Variants in AP3D1 observed in about 807,000 individuals in gnomAD.
AP3D1 encodes adaptor related protein complex 3 subunit delta 1.
A neutral mutation model predicts 147.6 loss-of-function variants in AP3D1; 51 were observed. The observed-to-expected ratio is 0.35, with a 90% CI of 0.28 to 0.44. The LOEUF (loss-of-function observed/expected upper bound fraction) is 0.44, where lower values mean the gene tolerates loss of function less well. AP3D1 is among the 20% of genes least tolerant of loss of function. AP3D1 has a pLI of 1.00. For synonymous variants in AP3D1, 760 were observed against 663.0 expected (o/e 1.15, Z -2.25); for missense variants, 1,421 against 1,624.2 (o/e 0.87, Z 2.15).
chr19:2,119,117 G>A (rs1345690300), intron 14 of AP3D1, among the ~76,000 whole-genome samples: 2 of 152,214 alleles, frequency 1.3e-5, no homozygotes, highest in African/African-American at 4.8e-5. Context: ...GCTGGCCCTG[G>A]GAGGATAAGC....
At chr19:2,162,271 C>T (rs2019717402) in intron 1 of AP3D1, among the ~76,000 whole-genome samples, 1 of 149,678 alleles carries the variant, frequency 6.7e-6, no homozygotes, top group African/African-American at 2.4e-5. Context: ...CTCCTGACCT[C>T]GTGATCCACC....
chr19:2,147,414 T>G (rs568886876), intron 1 of AP3D1, among the ~76,000 whole-genome samples: 76 of 126,952 alleles, frequency 6.0e-4, no homozygotes, highest in South Asian at 9.6e-4. Flanking sequence ...ATCTTTTCCT[T>G]TCTTTTTTTT....
intron 1 of AP3D1, among the ~76,000 whole-genome samples, chr19:2,138,924 G>A (rs1599486080): frequency 6.6e-6 from 1 of 151,876 alleles, no homozygotes; most frequent in African/African-American, 2.4e-5. Context: ...GCTGGGCGTG[G>A]TGGCGGGCGC....
chr19:2,102,614 G>A (rs938578235), intron 31 of AP3D1, among the ~76,000 whole-genome samples: 7 of 151,990 alleles, frequency 4.6e-5, no homozygotes, highest in African/African-American at 1.2e-4. Flanking sequence ...TGTAGTCCCA[G>A]CTACATGGGA....
chr19:2,129,216 GAGGGACAGGGGGGGCCTCGGTCACCCGC>G, intron 7 of AP3D1, 53 bp from the exon 8 acceptor site: 1 of 1,609,026 alleles, frequency 6.2e-7, no homozygotes, highest in South Asian at 1.1e-5. Context: ...CACGCAGGGT[GAGGGACAGGGGGGGCCTCGGTCACCCGC>G]AGGGAATGCC....
intron 26 of AP3D1, 169 bp downstream of exon 26, chr19:2,111,116 C>A (rs749629691): frequency 3.2e-5 from 31 of 981,212 alleles, no homozygotes; most frequent in Non-Finnish European, 4.5e-5. Flanking sequence ...GGCATGTCTC[C>A]AACCTTACCC....
chr19:2,116,466 C>T (rs2018452150), intron 17 of AP3D1, 139 bp downstream of exon 17: 28 of 1,283,914 alleles, frequency 2.2e-5, no homozygotes, highest in Non-Finnish European at 2.8e-5. Context: ...GAATCGCTAA[C>T]GCTCTGGGAG....
chr19:2,138,275 G>A (rs2019129436), intron 2 of AP3D1, among the ~76,000 whole-genome samples: 1 of 152,208 alleles, frequency 6.6e-6, no homozygotes, highest in Non-Finnish European at 1.5e-5. Context: ...AAGGTCCAGG[G>A]CCCTAGCTCT....
At chr19:2,138,354 G>A (rs930470986) in intron 2 of AP3D1, among the ~76,000 whole-genome samples, 8 of 152,242 alleles carry the variant, frequency 5.3e-5, no homozygotes, top group African/African-American at 1.9e-4. Context: ...GGCGTCCCCA[G>A]TGAATCCCAC....
In AP3D1 at chr19:2,164,223, G is replaced by C. The variant is rs752071771; in HGVS notation, c.-103+133C>G. ...TGGAGCTGAGACTGAAGTCGCCCGT[G>C]GGGGCTGAGCCCGCCGTCTACCCGT... On this transcript the variant is annotated intron_variant, in intron 1 of 14. Transcript: ENST00000643010. The C allele has an allele frequency of 3.1e-6, 4 of 1,288,560 alleles. No homozygotes were observed. The East Asian group carries it at 1.2e-4, about 38-fold the overall frequency. 79.8% of individuals were successfully genotyped at this position (1,288,560 alleles called of 1,614,324 possible). A position where few individuals can be genotyped will look rare whatever the true frequency, so the allele number is the denominator to read the frequency against.
rs767534838 is a variant in AP3D1 at position 2,151,275 on chromosome 19, G to A, written c.60C>T (p.Asp20=). ...TGTGGTTACGGATGCCGCGGACCAA[G>A]TCCTGCAGATTCTTGTCGAACATGC... The part of the protein sequence containing the change: ...IDRMFDKNLQ[D]LVRGIRNHKE... The change falls in exon 1 of 32, where the codon GAC becomes GAT. Residue 20 remains aspartate (D), a synonymous_variant. Coordinates refer to ENST00000643116, the MANE Select transcript of AP3D1 (RefSeq NM_001261826.3). The A allele has an allele frequency of 9.3e-6, 15 of 1,611,826 alleles. No homozygotes were observed. The African/African-American group carries it at 1.1e-4, about 12-fold the overall frequency.
intron 30 of AP3D1, 134 bp downstream of exon 30, chr19:2,108,952 G>C: frequency 6.9e-7 from 1 of 1,449,732 alleles, no homozygotes; most frequent in Non-Finnish European, 9.3e-7. Context: ...CCAGGCCTCG[G>C]GGCCACCAGC....
At chr19:2,136,051 C>T (rs1333953164) in intron 4 of AP3D1, among the ~76,000 whole-genome samples, 9 of 150,716 alleles carry the variant, frequency 6.0e-5, no homozygotes, top group Admixed American at 2.0e-4. Flanking sequence ...AGGCCCCTCC[C>T]GCTACACGGC....
intron 1 of AP3D1, among the ~76,000 whole-genome samples, chr19:2,140,318 T>C (rs2019186068): frequency 6.6e-6 from 1 of 152,130 alleles, no homozygotes; most frequent in Non-Finnish European, 1.5e-5. Flanking sequence ...CTTCTGGGCG[T>C]GCACCCGAGG....
chr19:2,115,680 G>C, intron 18 of AP3D1, 67 bp from the exon 19 acceptor site: 5 of 1,518,552 alleles, frequency 3.3e-6, no homozygotes, highest in Non-Finnish European at 4.5e-6. Flanking sequence ...ACAAGCCTCG[G>C]GGATGCAGGG....
chr19:2,156,976 C>T (rs1218942437), intron 1 of AP3D1, among the ~76,000 whole-genome samples: 1 of 138,674 alleles, frequency 7.2e-6, no homozygotes, highest in South Asian at 2.7e-4. Flanking sequence ...ATCCATCCAT[C>T]TACCCATCCA....
rs2018599944 is a variant in AP3D1 at position 2,121,153 on chromosome 19, C to CG, written c.1250+9dup. On this transcript the variant is annotated intron_variant, in intron 13 of 31. Coordinates refer to ENST00000643116, the MANE Select transcript of AP3D1 (RefSeq NM_001261826.3). ...GAACCCCCGGCCACACCCCTGGGAG[C>CG]GGGACGCACCACTCGAAGTTGGTGA... The CG allele has an allele frequency of 6.8e-6, 11 of 1,614,058 alleles. No individual in the cohort carries two copies. The highest frequency in any genetic ancestry group is 1.3e-5 in the African/African-American group (1 of 75,046).
intron 18 of AP3D1, 90 bp from the exon 19 acceptor site, chr19:2,115,703 C>T: frequency 7.4e-7 from 1 of 1,353,752 alleles, no homozygotes; most frequent in Non-Finnish European, 1.0e-6. Context: ...CGTGACGCAG[C>T]CCCAACATCC....
chr19:2,105,592 G>A (rs778884014), intron 31 of AP3D1, among the ~76,000 whole-genome samples: 9 of 151,996 alleles, frequency 5.9e-5, no homozygotes, highest in Non-Finnish European at 1.2e-4. Flanking sequence ...AATAAATGTG[G>A]GTAAATCTCT....
Sources: gnomAD v4.1 joint callset for allele counts (sites outside exome capture counted in the v4.1 genomes callset) on GRCh38, gnomAD v4.1.1 for gene constraint, MANE v1.5 for transcripts, NCBI Gene and HGNC (gene_info 2026-07-23, HGNC 2026-07-21) for gene names.